BOLL: variants seen among roughly 807,000 people sequenced by gnomAD.
BOLL encodes the protein protein boule-like.
In BOLL, 23 loss-of-function variants were observed where a neutral mutation model predicts 44.4. The observed-to-expected ratio is 0.52, with a 90% CI of 0.37 to 0.73. BOLL has a LOEUF of 0.73. Among genes scored for constraint, BOLL ranks in the 30% least tolerant of loss-of-function variants. The pLI is 0.00. For missense variants in BOLL, 287 were observed against 338.3 expected (o/e 0.85, Z 1.19); for synonymous variants, 97 against 110.8 (o/e 0.88, Z 0.78).
At chr2:197,751,389 G>A (rs1219167331) in intron 9 of BOLL, among the ~76,000 whole-genome samples, 1 of 151,912 alleles carries the variant, frequency 6.6e-6, no homozygotes, top group Non-Finnish European at 1.5e-5. Context: ...TAACAAAATA[G>A]ACCACTAGCC....
In BOLL at chr2:197,757,325, A is replaced by T. The variant is rs138957785; in HGVS notation, c.600+28T>A. On this transcript the variant is annotated intron_variant, in intron 8 of 10. Coordinates refer to ENST00000392296, the MANE Select transcript of BOLL (RefSeq NM_033030.6). ...AAGAATATAATGAAAGAAGGATTTAAAATTATATATTGAAAGTTAACATTT... is the reference window on the plus strand; with the variant it reads ...AAGAATATAATGAAAGAAGGATTTATAATTATATATTGAAAGTTAACATTT... The T allele has an allele frequency of 3.3e-5, 52 of 1,581,928 alleles. No individual in the cohort carries two copies. In the African/African-American group the frequency reaches 5.7e-4, roughly 17 times the overall value.
chr2:197,759,991 T>C (rs1688680891), intron 7 of BOLL, among the ~76,000 whole-genome samples: 1 of 152,082 alleles, frequency 6.6e-6, no homozygotes, highest in Non-Finnish European at 1.5e-5. Context: ...TGTCCATGCC[T>C]CAGGCCTAAG....
At chr2:197,737,660 T>G (rs959018466) in intron 10 of BOLL, among the ~76,000 whole-genome samples, 3 of 152,168 alleles carry the variant, frequency 2.0e-5, no homozygotes, top group African/African-American at 7.2e-5. Context: ...TAAGTATTAA[T>G]GATACTCAAA....
chr2:197,747,718 G>T (rs955879934), intron 9 of BOLL, among the ~76,000 whole-genome samples: 1 of 150,758 alleles, frequency 6.6e-6, no homozygotes, highest in Non-Finnish European at 1.5e-5. Context: ...TATTAAAAAA[G>T]TAATAAAACA....
chr2:197,753,597 C>A (rs546726834), intron 9 of BOLL, among the ~76,000 whole-genome samples: 1 of 152,122 alleles, frequency 6.6e-6, no homozygotes, highest in Non-Finnish European at 1.5e-5. Context: ...TACCATCTCA[C>A]GCCAGTTAGA....
intron 6 of BOLL, among the ~76,000 whole-genome samples, chr2:197,769,270 G>A (rs1042186961): frequency 2.6e-5 from 4 of 151,884 alleles, no homozygotes; most frequent in African/African-American, 9.7e-5. Context: ...GGTAAAATTC[G>A]GCTGTGAATC....
chr2:197,756,055 A>T (rs1574836985), intron 9 of BOLL: 1 of 152,446 alleles, frequency 6.6e-6, no homozygotes, highest in Non-Finnish European at 1.5e-5. Flanking sequence ...TGTAGGAAGA[A>T]TTTTTTTAAA....
chr2:197,752,202 TG>T (rs1284339389), intron 9 of BOLL, among the ~76,000 whole-genome samples: 2 of 152,192 alleles, frequency 1.3e-5, no homozygotes, highest in African/African-American at 4.8e-5. Flanking sequence ...TCATACTGAA[TG>T]GGCAAAAGCT....
Position 197,771,913 on chromosome 2 carries a change from T to C in BOLL, c.422A>G (p.His141Arg), listed in dbSNP as rs975681893. The change falls in exon 6 of 11, where the codon CAT becomes CGT. Residue 141 changes from histidine (H) to arginine (R), a missense_variant. Transcript: ENST00000392296. The stretch of plus-strand genomic sequence containing the variant: ...AGTATGAAAATAAGCAACACCATTA[T>C]GGTAAGTATAAGGATATCCAGTTGA... ...TTSTGYPYTY[H>R]NGVAYFHTPE... 3 of 1,599,926 alleles carry C rather than the reference T, an allele frequency of 1.9e-6. No homozygotes were observed. Among genetic ancestry groups the C allele is most frequent in the Non-Finnish European group, 2.6e-6 (3 of 1,171,540 alleles).
At chr2:197,746,209 T>C (rs1392106343) in intron 9 of BOLL, among the ~76,000 whole-genome samples, 1 of 152,150 alleles carries the variant, frequency 6.6e-6, no homozygotes, top group Non-Finnish European at 1.5e-5. Flanking sequence ...GAATGTAAAT[T>C]AGTATGGCCA....
In BOLL at chr2:197,785,319, T is replaced by C. The variant is rs1415666960; in HGVS notation, c.-279A>G. On this transcript the variant is annotated 5_prime_UTR_variant, in exon 1 of 11. Coordinates refer to ENST00000392296, the MANE Select transcript of BOLL (RefSeq NM_033030.6). The surrounding 1 kb of genome is among the most constrained non-coding windows in gnomAD (Gnocchi z 6.7). ...CCCCGCCGCTGGCCTCGTGCGCAGC[T>C]GGTCCCCACCCTCGCGCGGCGCTCC... The C allele has an allele frequency of 1.0e-6, 1 of 985,560 alleles. No homozygotes were observed. The highest frequency in any genetic ancestry group is 1.7e-5 in the African/African-American group (1 of 57,222). 61.1% of individuals were successfully genotyped at this position (985,560 alleles called of 1,614,324 possible).
chr2:197,749,505 T>G (rs942513686), intron 9 of BOLL, among the ~76,000 whole-genome samples: 1 of 151,960 alleles, frequency 6.6e-6, no homozygotes, highest in African/African-American at 2.4e-5. Flanking sequence ...TTACAGGAAC[T>G]GCCAACTAGA....
intron 1 of BOLL, chr2:197,784,725 G>A: frequency 3.0e-6 from 3 of 987,296 alleles, no homozygotes; most frequent in Non-Finnish European, 3.6e-6. Context: ...ATCGCGCCAG[G>A]CCTACAAAAT....
rs1687691160 is a variant in BOLL at position 197,740,759 on chromosome 2, G to A, written c.828+2302C>T. ...GAGGAAGCACATAGGAAGAGTTATT[G>A]CTTAATGGGTGCACAGAGTTTCAAC... On this transcript the variant is annotated intron_variant, in intron 10 of 10. Coordinates refer to ENST00000392296, the MANE Select transcript of BOLL (RefSeq NM_033030.6). Among the ~76,000 whole-genome samples the A allele has an allele frequency of 2.0e-5, 3 of 152,166 alleles. No homozygotes were observed. In the South Asian group the frequency reaches 6.2e-4, roughly 31 times the overall value.
chr2:197,744,511 C>T (rs960926064), intron 9 of BOLL, among the ~76,000 whole-genome samples: 1 of 152,218 alleles, frequency 6.6e-6, no homozygotes. Context: ...CATTGAGGAC[C>T]TTTACCCAAG....
intron 10 of BOLL, among the ~76,000 whole-genome samples, chr2:197,740,529 T>C (rs1687682036): frequency 6.6e-6 from 1 of 152,172 alleles, no homozygotes. Flanking sequence ...TGGATTATCA[T>C]TCTTTGGCCT....
intron 5 of BOLL, among the ~76,000 whole-genome samples, chr2:197,773,122 G>A (rs1436927741): frequency 6.6e-6 from 1 of 151,544 alleles, no homozygotes; most frequent in Non-Finnish European, 1.5e-5. Context: ...ATCCTTTTGA[G>A]AATTTGATGA....
intron 1 of BOLL, chr2:197,784,743 T>A (rs1574877218): frequency 1.0e-6 from 1 of 987,544 alleles, no homozygotes. Flanking sequence ...AATATTTTAA[T>A]GTTAGCAATA....
chr2:197,766,410 T>G, intron 7 of BOLL, 122 bp downstream of exon 7: 1 of 857,516 alleles, frequency 1.2e-6, no homozygotes, highest in Non-Finnish European at 1.9e-6. Context: ...TTGATTCACA[T>G]TTCTCTAATG....
Sources: gnomAD v4.1 joint callset for allele counts (sites outside exome capture counted in the v4.1 genomes callset) on GRCh38, gnomAD v4.1.1 for gene constraint, Gnocchi (gnomAD v3.1) non-coding constraint, MANE v1.5 for transcripts, NCBI Gene and HGNC (gene_info 2026-07-23, HGNC 2026-07-21) for gene names.